ARID4A: variants seen among roughly 807,000 people sequenced by gnomAD.
The protein encoded by ARID4A is AT-rich interaction domain 4A.
In ARID4A, 39 loss-of-function variants were observed where a neutral mutation model predicts 148.6. The ratio of observed to expected loss-of-function variants is 0.26; its 90% CI spans 0.20 to 0.34. The LOEUF is 0.34. ARID4A is among the 10% of genes least tolerant of loss of function. The pLI is 1.00. For synonymous variants in ARID4A, 475 were observed against 481.2 expected (o/e 0.99, Z 0.17); for missense variants, 1,265 against 1,449.1 (o/e 0.87, Z 2.06).
intron 11 of ARID4A, among the ~76,000 whole-genome samples, chr14:58,336,952 C>T (rs760970357): frequency 2.7e-4 from 41 of 149,978 alleles, no homozygotes; most frequent in Non-Finnish European, 3.1e-4. Context: ...AGTGCTGTGG[C>T]GCGATTTCCA....
rs572157834 is a variant in ARID4A, at chr14:58,321,736, C to T, written c.450-1749C>T. ...AAAATAATAAAAGACCTCCGAGGAC[C>T]CTAAATGGAAATCCCAACTCAGCCA... is the stretch of plus-strand genomic sequence containing the variant. On this transcript the variant is annotated intron_variant, in intron 7 of 23. Coordinates refer to ENST00000355431, the MANE Select transcript of ARID4A (RefSeq NM_002892.4). Among the ~76,000 whole-genome samples the T allele has an allele frequency of 1.6e-3, 243 of 151,872 alleles. 1 individual carries two copies. The highest frequency in any genetic ancestry group is 2.9e-3 in the Admixed American group (44 of 15,236).
intron 23 of ARID4A, 27 bp downstream of exon 23, chr14:58,367,056 T>G: frequency 7.1e-7 from 1 of 1,402,446 alleles, no homozygotes; most frequent in East Asian, 2.7e-5. Context: ...TTTTCTCCCC[T>G]TATATTTCAA....
Position 58,359,228 on chromosome 14 carries a change from G to T in ARID4A, c.1938+12G>T. ...AGAAAAAAGCTAAAGTATGTTTGTA[G>T]ATTTATGTCCTTTATAATATGTATA... On this transcript the variant is annotated intron_variant, in intron 18 of 23. Transcript: ENST00000355431. 6.4e-7 allele frequency: 1 copy of T among 1,573,226 alleles called. No homozygotes were observed. Among genetic ancestry groups the T allele is most frequent in the Non-Finnish European group, 8.6e-7 (1 of 1,165,450 alleles).
intron 11 of ARID4A, among the ~76,000 whole-genome samples, chr14:58,332,006 C>CT (rs1166311892): frequency 6.8e-6 from 1 of 147,054 alleles, no homozygotes; most frequent in Non-Finnish European, 1.5e-5. Flanking sequence ...CCCCCCCCCC[C>CT]CCAAAAAACC....
chr14:58,347,940 A>G (rs2034452263), intron 15 of ARID4A, 62 bp downstream of exon 15: 4 of 1,114,826 alleles, frequency 3.6e-6, no homozygotes, highest in Non-Finnish European at 5.1e-6. Flanking sequence ...TATTATAGCC[A>G]TTTTCATATA....
intron 17 of ARID4A, among the ~76,000 whole-genome samples, chr14:58,356,371 A>T (rs945772827): frequency 1.3e-5 from 2 of 152,172 alleles, no homozygotes; most frequent in Non-Finnish European, 1.5e-5. Flanking sequence ...ATCTTTTATA[A>T]CAGATTATGG....
intron 5 of ARID4A, among the ~76,000 whole-genome samples, chr14:58,307,137 G>C (rs2031670526): frequency 6.6e-6 from 1 of 152,182 alleles, no homozygotes; most frequent in Non-Finnish European, 1.5e-5. Flanking sequence ...GCACAATCCT[G>C]TGGATAACAT....
rs912174182 is a variant in ARID4A at position 58,323,355 on chromosome 14, A to G, written c.450-130A>G. ...GGAAGGACCCATGTCTTCAGTTACA[A>G]TAAGAATGGAGAGGCTACTACTTTA... On this transcript the variant is annotated intron_variant, in intron 7 of 23. Transcript: ENST00000355431. The G allele has an allele frequency of 1.5e-5, 16 of 1,066,212 alleles. No individual in the cohort carries two copies. The South Asian group carries it at 1.7e-4, about 11-fold the overall frequency. 66.0% of individuals were successfully genotyped at this position (1,066,212 alleles called of 1,614,324 possible).
At chr14:58,337,244 A>T (rs1359540696) in intron 11 of ARID4A, among the ~76,000 whole-genome samples, 1 of 118,284 alleles carries the variant, frequency 8.5e-6, no homozygotes, top group Non-Finnish European at 1.7e-5. Flanking sequence ...CCTTCTCTTT[A>T]TTTATATATA....
intron 5 of ARID4A, among the ~76,000 whole-genome samples, chr14:58,313,551 T>C (rs761174558): frequency 2.6e-5 from 4 of 152,174 alleles, no homozygotes; most frequent in Admixed American, 6.5e-5. Flanking sequence ...GTTTGTGACC[T>C]GGGGGTTGCA....
intron 12 of ARID4A, 139 bp from the exon 13 acceptor site, chr14:58,346,272 G>GT (rs1242414649): frequency 2.4e-6 from 1 of 421,302 alleles, no homozygotes; most frequent in Non-Finnish European, 4.2e-6. Context: ...ATCTTGTGTT[G>GT]TTTTACATTG....
rs764336470 is a variant in ARID4A at position 58,372,022 on chromosome 14, T to C, written c.*33T>C. On this transcript the variant is annotated 3_prime_UTR_variant, in exon 24 of 24. Transcript: ENST00000355431. ...TTTCTCTACCTTCCCAGCAGTTTGC[T>C]GCCATGGACATAAATCCCCAAACCC... The C allele has an allele frequency of 6.8e-7, 1 of 1,469,672 alleles. No individual in the cohort carries two copies. The highest frequency in any genetic ancestry group is 1.2e-5 in the South Asian group (1 of 86,228). The allele number at this position is 1,469,672 out of a possible 1,614,324, so 91.0% of individuals were successfully genotyped here. A position where few individuals can be genotyped will look rare whatever the true frequency, so the allele number is the denominator to read the frequency against.
Position 58,366,103 on chromosome 14 carries a change from T to G in ARID4A, c.3396T>G (p.Ser1132=). Residue 1132 remains serine, a synonymous_variant, in exon 22 of 24, where the codon TCT becomes TCG. Coordinates refer to ENST00000355431, the MANE Select transcript of ARID4A (RefSeq NM_002892.4). Reference sequence around the variant, plus strand: ...CCCCAGTAAAGCATCTTAATGTATCTAAGCCACAGAAACTTGCACGATCTC... The same window carrying G: ...CCCCAGTAAAGCATCTTAATGTATCGAAGCCACAGAAACTTGCACGATCTC... The part of the protein sequence containing the change: ...KCTPVKHLNV[S]KPQKLARSPA... The G allele has an allele frequency of 6.2e-7, 1 of 1,613,902 alleles. No homozygotes were observed. The highest frequency in any genetic ancestry group is 8.5e-7 in the Non-Finnish European group (1 of 1,179,824).
intron 15 of ARID4A, among the ~76,000 whole-genome samples, chr14:58,349,495 A>C (rs1206669493): frequency 2.6e-5 from 4 of 151,664 alleles, no homozygotes; most frequent in Non-Finnish European, 2.9e-5. Context: ...AAATACAAAA[A>C]AAAAAAAAAG....
intron 3 of ARID4A, among the ~76,000 whole-genome samples, chr14:58,302,645 G>A (rs923322194): frequency 2.0e-5 from 3 of 151,874 alleles, no homozygotes; most frequent in Non-Finnish European, 4.4e-5. Context: ...GTGACAGAGG[G>A]AGACTAAAAA....
chr14:58,347,211 T>A, intron 14 of ARID4A, 94 bp downstream of exon 14: 1 of 628,282 alleles, frequency 1.6e-6, no homozygotes, highest in Non-Finnish European at 2.4e-6. Flanking sequence ...CTAGAAACAT[T>A]AAAGTTAGAG....
intron 11 of ARID4A, among the ~76,000 whole-genome samples, chr14:58,340,308 G>A (rs1017553440): frequency 2.0e-5 from 3 of 149,804 alleles, no homozygotes; most frequent in East Asian, 4.0e-4. Context: ...TGGGATTACA[G>A]GTGCACGCCA....
intron 5 of ARID4A, among the ~76,000 whole-genome samples, chr14:58,312,215 A>T (rs1300476152): frequency 6.6e-6 from 1 of 151,600 alleles, no homozygotes; most frequent in Admixed American, 6.6e-5. Context: ...TATTAATGTT[A>T]AATTTTTTTT....
At chr14:58,333,160 G>A (rs2033626373) in intron 11 of ARID4A, among the ~76,000 whole-genome samples, 1 of 151,832 alleles carries the variant, frequency 6.6e-6, no homozygotes, top group Non-Finnish European at 1.5e-5. Flanking sequence ...ACAGAAAGTA[G>A]GTTTTATCTA....
Sources: allele counts gnomAD v4.1 joint callset (sites outside exome capture counted in the v4.1 genomes callset), GRCh38; gene constraint gnomAD v4.1.1; transcripts MANE v1.5; gene names NCBI Gene and HGNC (gene_info 2026-07-23, HGNC 2026-07-21).